DMKN: variants seen among roughly 807,000 people sequenced by gnomAD.
The protein encoded by DMKN is epidermis-specific secreted protein SK30/SK89.
Under a neutral mutation model 67.6 loss-of-function variants are expected in DMKN, and 58 were observed. That is an observed-to-expected ratio of 0.86 (90% confidence interval 0.69 to 1.07). The LOEUF (loss-of-function observed/expected upper bound fraction) is 1.07. Among genes scored for constraint, DMKN ranks in the 50% least tolerant of loss-of-function variants. DMKN has a pLI of 0.00. For missense variants in DMKN, 596 were observed against 601.5 expected (o/e 0.99, Z 0.10); for synonymous variants, 240 against 232.3 (o/e 1.03, Z -0.30).
rs2071134511 is a variant in DMKN at position 35,513,644 on chromosome 19, C to T, written c.-169G>A. ...TCTCTCCTGTCCTCAACTGCCTGGG[C>T]TTCTCAGAGTCCACCTCCCTGTCAC... On this transcript the variant is annotated 5_prime_UTR_variant, in exon 1 of 16. Coordinates refer to ENST00000339686, the MANE Select transcript of DMKN (RefSeq NM_033317.5). The T allele has an allele frequency of 1.2e-6, 1 of 851,946 alleles. No individual in the cohort carries two copies. Among genetic ancestry groups the T allele is most frequent in the Non-Finnish European group, 1.8e-6 (1 of 568,744 alleles). The allele number at this position is 851,946 out of a possible 1,614,324, so 52.8% of individuals were successfully genotyped here. A position where few individuals can be genotyped will look rare whatever the true frequency, so the allele number is the denominator to read the frequency against.
intron 11 of DMKN, chr19:35,501,653 C>T (rs539475127): frequency 8.0e-6 from 5 of 628,500 alleles, no homozygotes; most frequent in African/African-American, 3.7e-5. Context: ...TCTCCCCATC[C>T]TCCCTGACCC....
In DMKN at chr19:35,513,331, C is replaced by T. The variant is rs778703389; in HGVS notation, c.145G>A (p.Glu49Lys). Residue 49 changes from glutamate to lysine, a missense_variant, in exon 1 of 16, where the codon GAA becomes AAA. By Grantham distance (56) the Glu-to-Lys change is moderately conservative. Transcript: ENST00000339686. ...TTGCCAATGGCCTTTCCCACCCCTT[C>T]GCTCAGGGCGTCTCCCAGGCCATGT... is the stretch of plus-strand genomic sequence containing the variant. ...LGHGLGDALS[E>K]GVGKAIGKEA... is the part of the protein sequence containing the mutation. 23 of 1,614,020 alleles carry T rather than the reference C, an allele frequency of 1.4e-5. No homozygotes were observed. Among genetic ancestry groups the T allele is most frequent in the Middle Eastern group, 3.3e-4 (2 of 6,084 alleles).
At chr19:35,503,295 G>A in intron 9 of DMKN, 2 of 1,521,882 alleles carry the variant, frequency 1.3e-6, no homozygotes, top group Non-Finnish European at 8.8e-7. Context: ...AAGGAGCAGA[G>A]GCCAGGAGTG....
chr19:35,499,863 G>C, intron 13 of DMKN, 95 bp downstream of exon 13: 1 of 1,403,342 alleles, frequency 7.1e-7, no homozygotes, highest in Non-Finnish European at 1.0e-6. Flanking sequence ...TCCGGCCTCC[G>C]GCAACCAACC....
intron 7 of DMKN, among the ~76,000 whole-genome samples, chr19:35,508,898 T>C: frequency 6.6e-6 from 1 of 152,144 alleles, no homozygotes; most frequent in East Asian, 1.9e-4. Context: ...TGACTACTTA[T>C]ATACTTAAAA....
At chr19:35,511,686 G>GCTCC (rs2070852155) in intron 4 of DMKN, 77 bp downstream of exon 4, 27 of 1,592,428 alleles carry the variant, frequency 1.7e-5, no homozygotes, top group Non-Finnish European at 2.3e-5. Flanking sequence ...CATATTCCAT[G>GCTCC]ATGCCCAGTC....
At chr19:35,508,076 C>A (rs1056738730) in intron 7 of DMKN, 1 of 1,255,704 alleles carries the variant, frequency 8.0e-7, no homozygotes. Flanking sequence ...CTTCCTCGTT[C>A]CCAGAGCTCT....
At chr19:35,500,257 C>T (rs1240256115) in intron 12 of DMKN, 2 of 1,389,710 alleles carry the variant, frequency 1.4e-6, no homozygotes, top group South Asian at 1.4e-5. Context: ...CCTCCTCCTA[C>T]TCCTCCTCCT....
chr19:35,508,156 C>T, intron 7 of DMKN: 2 of 1,550,936 alleles, frequency 1.3e-6, no homozygotes, highest in Non-Finnish European at 1.7e-6. Context: ...GACCTCTACC[C>T]CACTTACTAC....
intron 12 of DMKN, 37 bp downstream of exon 12, chr19:35,500,496 A>G: frequency 6.2e-7 from 1 of 1,600,360 alleles, no homozygotes; most frequent in Non-Finnish European, 8.5e-7. Flanking sequence ...AAGGGGGACC[A>G]AGGGCCCTGC....
rs1227682780 is a variant in DMKN at position 35,512,570 on chromosome 19, A to G, written c.627+20T>C. 6.2e-7 allele frequency: 1 copy of G among 1,614,052 alleles called. No homozygotes were observed. Among genetic ancestry groups the G allele is most frequent in the Admixed American group, 1.7e-5 (1 of 60,008 alleles). ...TGGAGGGAGGGAGGTGGCAGGTAGCAGGTCTGGGGGTGACTTTACCTGAGT... is the reference window on the plus strand; with the variant it reads ...TGGAGGGAGGGAGGTGGCAGGTAGCGGGTCTGGGGGTGACTTTACCTGAGT... On this transcript the variant is annotated intron_variant, in intron 2 of 15. Transcript: ENST00000339686.
chr19:35,509,963 TGCC>T lies in DMKN; in HGVS notation c.988-5_988-3del. The T allele has an allele frequency of 6.2e-7, 1 of 1,614,140 alleles. No individual in the cohort carries two copies. Among genetic ancestry groups the T allele is most frequent in the South Asian group, 1.1e-5 (1 of 91,086 alleles). ...GGCTTCATTCCCTGGCTTTTCACAC[TGCC>T]GGGGAGAGAAAGGGGAGACTTTCCC... On this transcript the variant is annotated splice_region_variant and splice_polypyrimidine_tract_variant and intron_variant, in intron 6 of 15. Coordinates refer to ENST00000339686, the MANE Select transcript of DMKN (RefSeq NM_033317.5).
At position 35,512,612 on chromosome 19, in the gene DMKN, G is replaced by C. The variant is rs141869921; in HGVS notation, c.605C>G (p.Pro202Arg). The C allele has an allele frequency of 2.4e-5, 39 of 1,614,052 alleles. No individual in the cohort carries two copies. The highest frequency in any genetic ancestry group is 3.3e-5 in the Non-Finnish European group (39 of 1,180,034). Residue 202 changes from proline (P) to arginine (R), a missense_variant, in exon 2 of 16, where the codon CCA becomes CGA. Physicochemically the swap from Pro to Arg is moderately radical, Grantham distance 103 (BLOSUM62 -2). Coordinates refer to ENST00000339686, the MANE Select transcript of DMKN (RefSeq NM_033317.5). The stretch of plus-strand genomic sequence containing the variant: ...TACCTGAGTGTTGGTCCCAAAGTTT[G>C]GTGGCCCTCCATTGCCTCCTTGACC... ...PWGQGGNGGP[P>R]NFGTNTQGAV...
chr19:35,500,888 C>T (rs1028825102), intron 11 of DMKN, among the ~76,000 whole-genome samples: 9 of 152,196 alleles, frequency 5.9e-5, no homozygotes, highest in South Asian at 2.1e-4. Context: ...CTGGGGCAGA[C>T]GCAGGCACTG....
intron 9 of DMKN, chr19:35,503,538 CGATA>C: frequency 2.0e-6 from 3 of 1,502,838 alleles, no homozygotes; most frequent in Non-Finnish European, 2.7e-6. Flanking sequence ...TGCAGTGGCA[CGATA>C]TCAGCTCACC....
Position 35,513,325 on chromosome 19 carries a change from C to A in DMKN, c.151G>T (p.Val51Leu), listed in dbSNP as rs1006214026. ...GCCTCTTTGCCAATGGCCTTTCCCA[C>A]CCCTTCGCTCAGGGCGTCTCCCAGG... ...HGLGDALSEG[V>L]GKAIGKEAGG... is the part of the protein sequence containing the mutation. The change falls in exon 1 of 16, where the codon GTG becomes TTG. Residue 51 changes from valine (V) to leucine (L), a missense_variant. Transcript: ENST00000339686. 1.9e-6 allele frequency: 3 copies of A among 1,614,194 alleles called. No individual in the cohort carries two copies. Among genetic ancestry groups the A allele is most frequent in the Non-Finnish European group, 2.5e-6 (3 of 1,180,048 alleles).
intron 7 of DMKN, chr19:35,507,665 C>A: frequency 1.6e-6 from 1 of 639,292 alleles, no homozygotes; most frequent in South Asian, 1.9e-5. Context: ...AGAAAGAGGT[C>A]CTTCTCTCGG....
At chr19:35,510,816 G>A (rs766278178) in intron 5 of DMKN, among the ~76,000 whole-genome samples, 1 of 152,210 alleles carries the variant, frequency 6.6e-6, no homozygotes, top group Non-Finnish European at 1.5e-5. Context: ...GAGGCCGTCA[G>A]CCAAGGGGTT....
intron 7 of DMKN, chr19:35,509,559 G>C (rs1022807042): frequency 7.3e-5 from 15 of 204,330 alleles, no homozygotes; most frequent in African/African-American, 3.2e-4. Flanking sequence ...CATAACTGGG[G>C]GGAATGTTTT....
Sources: allele counts gnomAD v4.1 joint callset (sites outside exome capture counted in the v4.1 genomes callset), GRCh38; gene constraint gnomAD v4.1.1; transcripts MANE v1.5; gene names NCBI Gene and HGNC (gene_info 2026-07-23, HGNC 2026-07-21).